Variants in GPHN observed in about 807,000 individuals in gnomAD.
GPHN encodes gephyrin.
A neutral mutation model predicts 95.5 loss-of-function variants in GPHN; 17 were observed. The ratio of observed to expected loss-of-function variants is 0.18; its 90% CI spans 0.12 to 0.27. The LOEUF (loss-of-function observed/expected upper bound fraction) is 0.27. GPHN is among the 10% of genes least tolerant of loss of function. The pLI, the probability that GPHN is intolerant of heterozygous loss-of-function variation, is 1.00. For missense variants in GPHN, 660 were observed against 978.1 expected (o/e 0.67, Z 4.34); for synonymous variants, 320 against 322.5 (o/e 0.99, Z 0.08).
the GPHN span, chr14:67,734,221 A>G: frequency 7.1e-6 from 2 of 282,882 alleles, no homozygotes; most frequent in Non-Finnish European, 1.4e-5. Context: ...ATCACTGCCT[A>G]TTTCTAGGGG....
At chr14:67,329,835 A>T in the GPHN span, among the ~76,000 whole-genome samples, 1 of 96,956 alleles carries the variant, frequency 1.0e-5, no homozygotes, top group Non-Finnish European at 1.7e-5. Flanking sequence ...CTTGGTCTCA[A>T]AAATAAATAA....
chr14:67,412,855 C>G, the GPHN span, among the ~76,000 whole-genome samples: 4 of 152,078 alleles, frequency 2.6e-5, no homozygotes, highest in Non-Finnish European at 5.9e-5. Context: ...GCCTTAAACT[C>G]TGGGCTTAAG....
chr14:67,185,379 CT>C (rs1310429463), downstream of GPHN, among the ~76,000 whole-genome samples: 2 of 152,172 alleles, frequency 1.3e-5, no homozygotes, highest in Non-Finnish European at 2.9e-5. Context: ...TGTGAACACA[CT>C]TTAAGTGAAA....
At chr14:67,159,275 G>T (rs921261585) in intron 18 of GPHN, 140 bp from the exon 19 acceptor site, 5 of 688,304 alleles carry the variant, frequency 7.3e-6, no homozygotes, top group Non-Finnish European at 1.3e-5. Context: ...AGGAATATTT[G>T]TGTTAAGCAA....
chr14:66,725,990 A>G (rs2071200205), intron 2 of GPHN, among the ~76,000 whole-genome samples: 2 of 152,222 alleles, frequency 1.3e-5, no homozygotes, highest in South Asian at 4.1e-4. Context: ...TTATTTTCAT[A>G]ATCTCTAAAT....
At chr14:66,927,831 G>A (rs2066565423) in intron 8 of GPHN, among the ~76,000 whole-genome samples, 2 of 152,286 alleles carry the variant, frequency 1.3e-5, no homozygotes, top group Admixed American at 1.3e-4. Context: ...TAGATATGAT[G>A]TATCACATTG....
At chr14:67,011,312 C>T (rs1043556972) in intron 9 of GPHN, among the ~76,000 whole-genome samples, 3 of 151,632 alleles carry the variant, frequency 2.0e-5, no homozygotes, top group East Asian at 1.9e-4. Flanking sequence ...GTGGCTTATG[C>T]GTGTAATCCC....
At chr14:67,296,860 G>A in the GPHN span, among the ~76,000 whole-genome samples, 8 of 152,012 alleles carry the variant, frequency 5.3e-5, no homozygotes, top group Admixed American at 6.6e-5. Context: ...TCAGCCTCCT[G>A]AATAGCTGGG....
the GPHN span, chr14:67,359,562 A>G: frequency 7.2e-7 from 1 of 1,396,236 alleles, no homozygotes; most frequent in African/African-American, 1.4e-5. Flanking sequence ...GGATCCTCCC[A>G]GGAAACAAGG....
At chr14:66,850,868 G>C (rs2062552567) in intron 4 of GPHN, among the ~76,000 whole-genome samples, 1 of 151,986 alleles carries the variant, frequency 6.6e-6, no homozygotes, top group Non-Finnish European at 1.5e-5. Flanking sequence ...GAAAGATCTA[G>C]ATTTTTTAAA....
At chr14:66,723,402 G>GTT (rs59292459) in intron 2 of GPHN, among the ~76,000 whole-genome samples, 47,583 of 151,412 alleles carry the variant, frequency 0.31, 11,424 homozygotes, top group African/African-American at 0.65. Context: ...AAGTTTATAA[G>GTT]TTAACGTGCT....
intron 11 of GPHN, among the ~76,000 whole-genome samples, chr14:67,083,013 A>G (rs562323502): frequency 6.6e-6 from 1 of 152,316 alleles, no homozygotes; most frequent in African/African-American, 2.4e-5. Context: ...GTTTTTAAGA[A>G]TAATTGAACT....
the GPHN span, chr14:67,600,234 G>A: frequency 5.9e-6 from 9 of 1,523,686 alleles, no homozygotes; most frequent in East Asian, 2.5e-5. Context: ...CGCACCGCGC[G>A]GCGCTGCACT....
At chr14:67,211,251 A>G in the GPHN span, among the ~76,000 whole-genome samples, 4 of 152,182 alleles carry the variant, frequency 2.6e-5, no homozygotes, top group Non-Finnish European at 5.9e-5. Context: ...AGATATAGAT[A>G]AAATATAGGT....
At chr14:67,693,525 A>C in the GPHN span, among the ~76,000 whole-genome samples, 1 of 151,780 alleles carries the variant, frequency 6.6e-6, no homozygotes, top group Admixed American at 6.5e-5. Flanking sequence ...AAGAAAAAAA[A>C]AACACACCCA....
the GPHN span, chr14:67,292,413 C>A: frequency 2.4e-6 from 2 of 817,198 alleles, no homozygotes; most frequent in Admixed American, 2.7e-5. Flanking sequence ...TTTCTGAAAA[C>A]TTAAATTGTT....
intron 1 of GPHN, among the ~76,000 whole-genome samples, chr14:66,582,881 A>G (rs1426870604): frequency 5.3e-5 from 8 of 152,246 alleles, no homozygotes; most frequent in African/African-American, 1.9e-4. Flanking sequence ...ATGATTTATA[A>G]TCCTTTGGGT....
intron 4 of GPHN, among the ~76,000 whole-genome samples, chr14:66,825,097 C>T (rs1199677767): frequency 6.6e-6 from 1 of 151,918 alleles, no homozygotes; most frequent in South Asian, 2.1e-4. Flanking sequence ...AGGCTTAAGA[C>T]CACAGGAAGC....
intron 3 of GPHN, chr14:66,823,324 A>C (rs1052119668): frequency 6.6e-6 from 1 of 152,206 alleles, no homozygotes; most frequent in African/African-American, 2.4e-5. Context: ...ACCAGAAAGA[A>C]TAGAGAGCTA....
Sources: gnomAD v4.1 joint callset for allele counts (sites outside exome capture counted in the v4.1 genomes callset) on GRCh38, gnomAD v4.1.1 for gene constraint, MANE v1.5 for transcripts, NCBI Gene and HGNC (gene_info 2026-07-23, HGNC 2026-07-21) for gene names.